The following SOD2 variants were observed in gnomAD, a reference collection of about 807,000 sequenced individuals.
The protein encoded by SOD2 is superoxide dismutase 2, also known as superoxide dismutase [Mn], mitochondrial.
A neutral mutation model predicts 27.0 loss-of-function variants in SOD2; 11 were observed. The observed-to-expected ratio is 0.41, with a 90% CI of 0.26 to 0.67. SOD2 has a LOEUF of 0.67. SOD2 is among the 30% of genes least tolerant of loss of function. The probability of loss-of-function intolerance (pLI) is 0.34; values close to 1 mark genes in which losing one functional copy is unlikely to be tolerated. For missense variants in SOD2, 250 were observed against 274.5 expected, an observed-to-expected ratio of 0.91 and a Z score of 0.63; for synonymous variants, 105 against 103.0, an observed-to-expected ratio of 1.02 and a Z score of -0.12.
At chr6:159,695,496 C>T (rs1486867876), upstream of SOD2, among the ~76,000 whole-genome samples, 1 of 152,050 alleles carries the variant, frequency 6.6e-6, no homozygotes, top group African/African-American at 2.4e-5. Flanking sequence ...CCTTGTCTAC[C>T]ACACCCAGTG....
chr6:159,737,090 C>T (rs1297607616), intron 1 of SOD2, among the ~76,000 whole-genome samples: 1 of 152,174 alleles, frequency 6.6e-6, no homozygotes, highest in Non-Finnish European at 1.5e-5. Flanking sequence ...CTCTCTTGCC[C>T]AGGTTGGAGT....
chr6:159,753,245 GC>G (rs1300520706), intron 1 of SOD2: 1 of 585,672 alleles, frequency 1.7e-6, no homozygotes, highest in Non-Finnish European at 2.9e-6. Flanking sequence ...AGCTGTTTGG[GC>G]ACTTTTTGTT....
chr6:159,696,107 A>G (rs1037501279), upstream of SOD2, among the ~76,000 whole-genome samples: 2 of 152,204 alleles, frequency 1.3e-5, no homozygotes, highest in African/African-American at 4.8e-5. Context: ...CAGTTTCTTA[A>G]ACACAGAAGA....
intron 2 of SOD2, 31 bp from the exon 3 acceptor site, chr6:159,688,273 T>C: frequency 1.5e-6 from 2 of 1,318,184 alleles, no homozygotes; most frequent in Non-Finnish European, 2.2e-6. Context: ...CACATTTTTT[T>C]GTAACTCCTA....
At chr6:159,697,283 T>G (rs1343720283), upstream of SOD2, among the ~76,000 whole-genome samples, 2 of 152,002 alleles carry the variant, frequency 1.3e-5, no homozygotes, top group Admixed American at 1.3e-4. Flanking sequence ...GTTTGTGGGG[T>G]TTTTTTCTGC....
chr6:159,687,118 T>C (rs1342765721), intron 3 of SOD2, among the ~76,000 whole-genome samples: 1 of 152,208 alleles, frequency 6.6e-6, no homozygotes, highest in Non-Finnish European at 1.5e-5. Flanking sequence ...TTGTTATCCC[T>C]GTATCACATA....
rs1779777496 is a variant in SOD2, at chr6:159,676,291, T to A, written c.*6202A>T. The A allele has an allele frequency of 6.6e-6, 1 of 152,184 alleles. No individual in the cohort carries two copies. Among genetic ancestry groups the A allele is most frequent in the Non-Finnish European group, 1.5e-5 (1 of 68,044 alleles). The allele number at this position is 152,184 out of a possible 1,614,324, so 9.4% of individuals were successfully genotyped here. The stretch of plus-strand genomic sequence containing the variant: ...TAAATCATGCTGCTATAAAGACACA[T>A]GCACACGTATATTTATTGTGGCACT... On this transcript the variant is annotated 3_prime_UTR_variant, in exon 5 of 5. Coordinates refer to ENST00000538183, the MANE Select transcript of SOD2 (RefSeq NM_000636.4).
At chr6:159,712,665 C>T (rs1322243409) in intron 1 of SOD2, 1 of 356,218 alleles carries the variant, frequency 2.8e-6, no homozygotes, top group East Asian at 7.5e-5. Context: ...GCTCTGATCA[C>T]CCTAACCACC....
In SOD2 at chr6:159,671,155, C is replaced by T. The variant is rs1779647374; in HGVS notation, c.*11338G>A. On this transcript the variant is annotated 3_prime_UTR_variant, in exon 5 of 5. Transcript: ENST00000538183. ...GCCTGCCTGCCTGCCTCTGTAGACTCCACCTCTGGGGGCATGGCATAGCCG... is the reference window on the plus strand; with the variant it reads ...GCCTGCCTGCCTGCCTCTGTAGACTTCACCTCTGGGGGCATGGCATAGCCG... 6.6e-6 allele frequency: 1 copy of T among 152,302 alleles called. No homozygotes were observed. Among genetic ancestry groups the T allele is most frequent in the Non-Finnish European group, 1.5e-5 (1 of 68,118 alleles). The allele number at this position is 152,302 out of a possible 1,614,324, so 9.4% of individuals were successfully genotyped here. A position where few individuals can be genotyped will look rare whatever the true frequency, so the allele number is the denominator to read the frequency against.
intron 3 of SOD2, among the ~76,000 whole-genome samples, chr6:159,685,268 G>A (rs949018103): frequency 5.9e-5 from 7 of 119,456 alleles, no homozygotes; most frequent in African/African-American, 2.0e-4. Flanking sequence ...TTGAGACGGA[G>A]TTTCACTCTT....
chr6:159,759,886 G>A (rs139747761), intron 1 of SOD2, among the ~76,000 whole-genome samples: 2 of 152,134 alleles, frequency 1.3e-5, no homozygotes, highest in South Asian at 4.1e-4. Flanking sequence ...TATATCCCTT[G>A]GCTCCAGAAG....
rs560761999 is a variant in SOD2 at position 159,711,921 on chromosome 6, C to T, written c.-116+15208G>A. 3.6e-4 allele frequency among the ~76,000 whole-genome samples: 46 copies of T among 128,856 alleles called. 5 individuals carry two copies. The highest frequency in any genetic ancestry group is 6.8e-4 in the Non-Finnish European group (40 of 58,586). The allele number at this position is 128,856 out of a possible 152,430, so 84.5% of individuals were successfully genotyped here. A position where few individuals can be genotyped will look rare whatever the true frequency, so the allele number is the denominator to read the frequency against. On this transcript the variant is annotated intron_variant, in intron 1 of 2. Coordinates refer to the SOD2 transcript ENST00000401980. ...ACTCACATTGCTCTGATCACCATAA[C>T]CACCTCCACAACCACCACTCACATT... is the stretch of plus-strand genomic sequence containing the variant.
chr6:159,710,806 C>A (rs557830350), intron 1 of SOD2, among the ~76,000 whole-genome samples: 4 of 151,078 alleles, frequency 2.6e-5, no homozygotes, highest in Non-Finnish European at 5.9e-5. Context: ...CCTCCATAAC[C>A]GCCTCCACAA....
chr6:159,757,409 T>C (rs1366719184), intron 1 of SOD2, among the ~76,000 whole-genome samples: 1 of 145,134 alleles, frequency 6.9e-6, no homozygotes, highest in Non-Finnish European at 1.5e-5. Context: ...TTTCTTTTTT[T>C]TCTTTTTCTC....
At position 159,674,800 on chromosome 6, in the gene SOD2, T is replaced by C. The variant is rs1291660340; in HGVS notation, c.*7693A>G. On this transcript the variant is annotated 3_prime_UTR_variant, in exon 5 of 5. Transcript: ENST00000538183. The stretch of plus-strand genomic sequence containing the variant: ...GGTATTCAATAAGGAAAAGAGGAAG[T>C]CAAATTGTCCCTGTTTGCAGATGAC... The C allele has an allele frequency of 2.6e-5, 4 of 152,186 alleles. No homozygotes were observed. The highest frequency in any genetic ancestry group is 1.5e-5 in the Non-Finnish European group (1 of 68,034). The allele number at this position is 152,186 out of a possible 1,614,324, so 9.4% of individuals were successfully genotyped here.
In SOD2 at chr6:159,693,216, C is replaced by T. The variant is rs1366283362; in HGVS notation, c.-49G>A. 1 of 1,497,096 alleles carries T rather than the reference C, an allele frequency of 6.7e-7. No homozygotes were observed. The highest frequency in any genetic ancestry group is 1.4e-5 in the African/African-American group (1 of 69,282). The allele number at this position is 1,497,096 out of a possible 1,614,324, so 92.7% of individuals were successfully genotyped here. A position where few individuals can be genotyped will look rare whatever the true frequency, so the allele number is the denominator to read the frequency against. Reference sequence around the variant, plus strand: ...TGATGCCGCCGATCTGCTGAAGCCGCTGCCGAAGCCACCACAGCCACGAGT... The same window carrying T: ...TGATGCCGCCGATCTGCTGAAGCCGTTGCCGAAGCCACCACAGCCACGAGT... On this transcript the variant is annotated 5_prime_UTR_variant, in exon 1 of 5. Coordinates refer to ENST00000538183, the MANE Select transcript of SOD2 (RefSeq NM_000636.4).
intron 1 of SOD2, among the ~76,000 whole-genome samples, chr6:159,707,947 T>G (rs921588582): frequency 6.6e-6 from 1 of 152,060 alleles, no homozygotes; most frequent in Non-Finnish European, 1.5e-5. Flanking sequence ...ATCCCTGGGA[T>G]GCAAGGCTGG....
intron 1 of SOD2, chr6:159,755,400 G>C: frequency 1.2e-6 from 2 of 1,614,160 alleles, no homozygotes; most frequent in South Asian, 1.1e-5. Context: ...GGAGGTAGTG[G>C]TTACGTAAAT....
chr6:159,752,019 C>T (rs1215491114), intron 1 of SOD2, among the ~76,000 whole-genome samples: 5 of 150,328 alleles, frequency 3.3e-5, no homozygotes, highest in African/African-American at 4.9e-5. Flanking sequence ...GCTGAGATCA[C>T]GCCACTGCAC....
Sources: allele counts gnomAD v4.1 joint callset (sites outside exome capture counted in the v4.1 genomes callset), GRCh38; gene constraint gnomAD v4.1.1; transcripts MANE v1.5; gene names NCBI Gene and HGNC (gene_info 2026-07-23, HGNC 2026-07-21).